DMBX1: variants seen among roughly 807,000 people sequenced by gnomAD.
DMBX1 encodes the protein diencephalon/mesencephalon homeobox 1.
In DMBX1, 7 loss-of-function variants were observed where a neutral mutation model predicts 30.4. The ratio of observed to expected loss-of-function variants is 0.23; its 90% CI spans 0.13 to 0.43. The LOEUF (loss-of-function observed/expected upper bound fraction) is 0.43, where lower values mean the gene tolerates loss of function less well. Ranked by LOEUF, DMBX1 falls within the 20% of genes least tolerant of loss-of-function variation. The pLI, the probability that DMBX1 is intolerant of heterozygous loss-of-function variation, is 1.00. For missense variants in DMBX1, 460 were observed against 508.5 expected (o/e 0.90, Z 0.92); for synonymous variants, 222 against 214.2 (o/e 1.04, Z -0.32).
intron 1 of DMBX1, among the ~76,000 whole-genome samples, chr1:46,490,242 G>C (rs1008263889): frequency 3.9e-5 from 6 of 152,216 alleles, no homozygotes; most frequent in Non-Finnish European, 8.8e-5. Context: ...GCAAGCCGTG[G>C]GTAGAAACGC....
chr1:46,510,076 T>A lies in DMBX1; in HGVS notation c.155-400T>A, dbSNP rs1255839781. ...TAAAGAAGTCTTAGTATTCAGAATC[T>A]AAGGGCTATAGGGTCTTAGAACTCC... On this transcript the variant is annotated intron_variant, in intron 3 of 5. Transcript: ENST00000360032. This position sits in a 1 kb window ranked among gnomAD's most constrained non-coding sequence, Gnocchi z 4.1. Among the ~76,000 whole-genome samples, 2 of 152,196 alleles carry A rather than the reference T, an allele frequency of 1.3e-5. No individual in the cohort carries two copies. The highest frequency in any genetic ancestry group is 2.9e-5 in the Non-Finnish European group (2 of 68,028).
chr1:46,504,828 TG>T, intron 2 of DMBX1, among the ~76,000 whole-genome samples: 1 of 150,486 alleles, frequency 6.6e-6, no homozygotes, highest in East Asian at 1.9e-4. Flanking sequence ...TTCACGATAT[TG>T]ATTCTTCCTA....
At chr1:46,511,510 C>T (rs1425418171) in intron 5 of DMBX1, among the ~76,000 whole-genome samples, 4 of 152,064 alleles carry the variant, frequency 2.6e-5, no homozygotes, top group Admixed American at 6.5e-5. Context: ...TGCGGGAGCT[C>T]GGGGCAAAAA....
At chr1:46,503,488 G>A (rs969664774) in intron 2 of DMBX1, among the ~76,000 whole-genome samples, 4 of 152,228 alleles carry the variant, frequency 2.6e-5, no homozygotes, top group Non-Finnish European at 4.4e-5. Flanking sequence ...AAATGGATGT[G>A]AGTGTAATGT....
chr1:46,512,623 C>A lies in DMBX1; in HGVS notation c.*129C>A. ...CTAGGGCCTGGGGTCCTGTTCCCTGCTCCGCTTCCCCATACCCCAGCCCGA... is the reference window on the plus strand; with the variant it reads ...CTAGGGCCTGGGGTCCTGTTCCCTGATCCGCTTCCCCATACCCCAGCCCGA... On this transcript the variant is annotated 3_prime_UTR_variant, in exon 6 of 6. Transcript: ENST00000360032. This position sits in a 1 kb window ranked among gnomAD's most constrained non-coding sequence, Gnocchi z 4.8. 9.7e-7 allele frequency: 1 copy of A among 1,033,398 alleles called. No individual in the cohort carries two copies. The highest frequency in any genetic ancestry group is 1.4e-6 in the Non-Finnish European group (1 of 728,820). The allele number at this position is 1,033,398 out of a possible 1,614,324, so 64.0% of individuals were successfully genotyped here. A position where few individuals can be genotyped will look rare whatever the true frequency, so the allele number is the denominator to read the frequency against.
chr1:46,500,178 G>T (rs145657978), intron 2 of DMBX1, among the ~76,000 whole-genome samples: 8 of 152,064 alleles, frequency 5.3e-5, no homozygotes, highest in African/African-American at 1.9e-4. Context: ...TGCTGGGGAG[G>T]GGGAGGGCAT....
intron 2 of DMBX1, among the ~76,000 whole-genome samples, chr1:46,494,217 G>C (rs1665985230): frequency 6.6e-6 from 1 of 152,236 alleles, no homozygotes; most frequent in South Asian, 2.1e-4. Context: ...GCTCTCAAAA[G>C]CTGATGGATG....
Position 46,510,951 on chromosome 1 carries a change from G to A in DMBX1, c.350G>A (p.Arg117His), listed in dbSNP as rs1371080438. The A allele has an allele frequency of 1.9e-6, 3 of 1,605,980 alleles. No homozygotes were observed. Among genetic ancestry groups the A allele is most frequent in the Admixed American group, 1.7e-5 (1 of 59,230 alleles). The change falls in exon 5 of 6, where the codon CGC becomes CAC. Residue 117 changes from arginine (R) to histidine (H), a missense_variant. By Grantham distance (29) the Arg-to-His change is conservative. Coordinates refer to ENST00000360032, the MANE Select transcript of DMBX1 (RefSeq NM_172225.2). The surrounding 1 kb of genome is among the most constrained non-coding windows in gnomAD (Gnocchi z 4.1). Reference protein sequence around the residue: ...EARVQVWFKNRRAKFRKKQRS... With the variant: ...EARVQVWFKNHRAKFRKKQRS... Reference sequence around the variant, plus strand: ...CGTCCCCAGGTGTGGTTCAAGAACCGCCGGGCCAAGTTCCGGAAGAAGCAG... The same window carrying A: ...CGTCCCCAGGTGTGGTTCAAGAACCACCGGGCCAAGTTCCGGAAGAAGCAG...
At position 46,507,026 on chromosome 1, in the gene DMBX1, G is replaced by C; in HGVS notation, c.16G>C (p.Val6Leu). 6.2e-7 allele frequency: 1 copy of C among 1,614,228 alleles called. No homozygotes were observed. Among genetic ancestry groups the C allele is most frequent in the Non-Finnish European group, 8.5e-7 (1 of 1,180,050 alleles). The change falls in exon 3 of 6, where the codon GTG becomes CTG. Residue 6 changes from valine to leucine, a missense_variant. Transcript: ENST00000360032. Reference sequence around the variant, plus strand: ...GGATGCCGCCATGCAGCACTACGGGGTGAACGGCTACTCACTGCACGCCAT... The same window carrying C: ...GGATGCCGCCATGCAGCACTACGGGCTGAACGGCTACTCACTGCACGCCAT... MQHYG[V>L]NGYSLHAMNS...
rs1666479489 is a variant in DMBX1 at position 46,515,811 on chromosome 1, C to A, written c.*3317C>A. Reference sequence around the variant, plus strand: ...TGGGCCTGAAAGCCAGAGGCTCAAGCTCTGACTGTCCCTTCCAGGAATGCC... The same window carrying A: ...TGGGCCTGAAAGCCAGAGGCTCAAGATCTGACTGTCCCTTCCAGGAATGCC... On this transcript the variant is annotated 3_prime_UTR_variant, in exon 6 of 6. Coordinates refer to ENST00000360032, the MANE Select transcript of DMBX1 (RefSeq NM_172225.2). Among the ~76,000 whole-genome samples the A allele has an allele frequency of 6.6e-6, 1 of 152,242 alleles. No homozygotes were observed. The highest frequency in any genetic ancestry group is 1.9e-4 in the East Asian group (1 of 5,188).
intron 2 of DMBX1, among the ~76,000 whole-genome samples, chr1:46,499,317 G>A (rs1374017237): frequency 1.3e-5 from 2 of 152,202 alleles, no homozygotes; most frequent in South Asian, 2.1e-4. Flanking sequence ...GATTACAGGC[G>A]TAAGCCCCGC....
Position 46,502,889 on chromosome 1 carries a change from A to C in DMBX1, c.-12-4110A>C, listed in dbSNP as rs60018444. On this transcript the variant is annotated intron_variant, in intron 2 of 5. Coordinates refer to ENST00000360032, the MANE Select transcript of DMBX1 (RefSeq NM_172225.2). ...AGCGAGACCCTGTCTCAGAAATAAA[A>C]AAAACAAAACAAAACAAAAAAACCC... 0.019 allele frequency among the ~76,000 whole-genome samples: 2,952 copies of C among 152,258 alleles called. 210 individuals carry two copies. In the East Asian group the frequency reaches 0.24, roughly 12 times the overall value.
At chr1:46,507,313 C>G in intron 3 of DMBX1, 149 bp downstream of exon 3, 3 of 1,067,294 alleles carry the variant, frequency 2.8e-6, no homozygotes, top group Non-Finnish European at 4.0e-6. Flanking sequence ...AGAGAGATGT[C>G]AATTCAAAAC....
chr1:46,510,582 G>A lies in DMBX1; in HGVS notation c.261G>A (p.Lys87=), dbSNP rs1230735818. 1.9e-6 allele frequency: 3 copies of A among 1,614,138 alleles called. No homozygotes were observed. The highest frequency in any genetic ancestry group is 2.5e-6 in the Non-Finnish European group (3 of 1,180,018). Residue 87 remains lysine, a synonymous_variant, in exon 4 of 6, where the codon AAG becomes AAA. Coordinates refer to ENST00000360032, the MANE Select transcript of DMBX1 (RefSeq NM_172225.2). This position sits in a 1 kb window ranked among gnomAD's most constrained non-coding sequence, Gnocchi z 4.1. ...AGGCCCTGGAAAAGACCTTCCAGAA[G>A]ACTCACTACCCAGATGTGGTGATGC... The part of the protein sequence containing the change: ...QLEALEKTFQ[K]THYPDVVMRE...
intron 1 of DMBX1, among the ~76,000 whole-genome samples, chr1:46,490,330 G>T (rs1665905849): frequency 6.6e-6 from 1 of 152,102 alleles, no homozygotes; most frequent in Non-Finnish European, 1.5e-5. Context: ...TCACGGTTTT[G>T]CCTCATTTGG....
intron 2 of DMBX1, among the ~76,000 whole-genome samples, chr1:46,496,818 C>G (rs1185910495): frequency 3.5e-4 from 54 of 152,224 alleles, no homozygotes; most frequent in Admixed American, 3.5e-3. Context: ...GGTCACAAAG[C>G]AGCCTGGAGT....
intron 2 of DMBX1, among the ~76,000 whole-genome samples, chr1:46,499,277 T>A (rs926599026): frequency 6.6e-6 from 1 of 152,192 alleles, no homozygotes; most frequent in Non-Finnish European, 1.5e-5. Flanking sequence ...GCTCAGGTGA[T>A]CTGCCCACTT....
At position 46,515,865 on chromosome 1, in the gene DMBX1, G is replaced by A. The variant is rs538559650; in HGVS notation, c.*3371G>A. Among the ~76,000 whole-genome samples the A allele has an allele frequency of 3.3e-5, 5 of 152,240 alleles. No homozygotes were observed. The highest frequency in any genetic ancestry group is 9.6e-5 in the African/African-American group (4 of 41,568). On this transcript the variant is annotated 3_prime_UTR_variant, in exon 6 of 6. Transcript: ENST00000360032. ...TGCCTGGCCTCTCCCTGCTGTCTGA[G>A]TCTCCATTTCTCTGTTTCCTCACTC...
rs1666466855 is a variant in DMBX1, at chr1:46,515,160, G to A, written c.*2666G>A. On this transcript the variant is annotated 3_prime_UTR_variant, in exon 6 of 6. Coordinates refer to ENST00000360032, the MANE Select transcript of DMBX1 (RefSeq NM_172225.2). The stretch of plus-strand genomic sequence containing the variant: ...TAGGCAGCGCTGTGGGAGGTTGGCA[G>A]ATTCCAGGAGTGACAGAGGAGGTTT... 6.6e-6 allele frequency among the ~76,000 whole-genome samples: 1 copy of A among 152,208 alleles called. No homozygotes were observed. Among genetic ancestry groups the A allele is most frequent in the Non-Finnish European group, 1.5e-5 (1 of 68,038 alleles).
Sources: allele counts gnomAD v4.1 joint callset (sites outside exome capture counted in the v4.1 genomes callset), GRCh38; gene constraint gnomAD v4.1.1; non-coding constraint Gnocchi (gnomAD v3.1); transcripts MANE v1.5; gene names NCBI Gene and HGNC (gene_info 2026-07-23, HGNC 2026-07-21).